PRP4K: variants seen among roughly 807,000 people sequenced by gnomAD.
PRP4K encodes the protein pre-mRNA processing factor kinase PRP4K, also known as serine/threonine-protein kinase PRP4 homolog.
At chr6:4,039,920 A>C in the PRP4K span, among the ~76,000 whole-genome samples, 1 of 127,476 alleles carries the variant, frequency 7.8e-6, no homozygotes, top group Non-Finnish European at 1.6e-5. Flanking sequence ...TTCTTTCTTG[A>C]GGTAGGATCT....
the PRP4K span, among the ~76,000 whole-genome samples, chr6:4,047,482 A>C: frequency 6.6e-6 from 1 of 152,226 alleles, no homozygotes; most frequent in South Asian, 2.1e-4. Flanking sequence ...TCAAACACCA[A>C]ATGATAAACA....
At chr6:4,049,943 A>T in the PRP4K span, 1 of 1,524,234 alleles carries the variant, frequency 6.6e-7, no homozygotes, top group East Asian at 2.3e-5. Context: ...ACATATTTTT[A>T]AACTATTTTT....
At chr6:4,037,259 G>C in the PRP4K span, 1 of 782,908 alleles carries the variant, frequency 1.3e-6, no homozygotes, top group Non-Finnish European at 1.9e-6. Context: ...ACCTGAGTAA[G>C]TTTTGTTACA....
the PRP4K span, among the ~76,000 whole-genome samples, chr6:4,022,154 A>ATTTTTTTTTTTTTTT: frequency 1.1e-5 from 1 of 92,054 alleles, no homozygotes; most frequent in Non-Finnish European, 2.0e-5. Context: ...GAGGCCTGGC[A>ATTTTTTTTTTTTTTT]TTTTTTTTTT....
the PRP4K span, chr6:4,048,881 TAGTA>T: frequency 7.3e-6 from 4 of 550,486 alleles, no homozygotes; most frequent in East Asian, 6.3e-5. Context: ...ACATAAGTGA[TAGTA>T]AGAATTTATT....
chr6:4,023,572 T>TA, the PRP4K span, among the ~76,000 whole-genome samples: 1 of 152,232 alleles, frequency 6.6e-6, no homozygotes, highest in Non-Finnish European at 1.5e-5. Flanking sequence ...CCCAGAAAGA[T>TA]ACATTTTTTG....
the PRP4K span, chr6:4,031,714 A>T: frequency 6.2e-6 from 10 of 1,601,876 alleles, no homozygotes; most frequent in African/African-American, 1.3e-4. Flanking sequence ...GAAGACAAGG[A>T]TAAAAAACAT....
the PRP4K span, among the ~76,000 whole-genome samples, chr6:4,027,645 G>A: frequency 6.8e-6 from 1 of 146,044 alleles, no homozygotes; most frequent in African/African-American, 2.5e-5. Flanking sequence ...ACTGTCATAA[G>A]CATTTAACAT....
the PRP4K span, among the ~76,000 whole-genome samples, chr6:4,035,298 T>G: frequency 1.5e-5 from 2 of 132,828 alleles, no homozygotes; most frequent in Non-Finnish European, 1.6e-5. Context: ...TTTTTTTTTT[T>G]TTTTTTTTTT....
At chr6:4,035,411 T>G in the PRP4K span, among the ~76,000 whole-genome samples, 2 of 149,184 alleles carry the variant, frequency 1.3e-5, no homozygotes, top group African/African-American at 2.5e-5. Context: ...CCTCCCAAAG[T>G]GTTGGGATTA....
the PRP4K span, chr6:4,058,828 A>G: frequency 1.1e-4 from 166 of 1,559,908 alleles, no homozygotes; most frequent in Non-Finnish European, 1.4e-4. Context: ...AGTGTTTTAA[A>G]TGCAGCATGC....
the PRP4K span, chr6:4,056,182 A>G: frequency 1.6e-6 from 1 of 613,826 alleles, no homozygotes. Context: ...ATTAAAAATA[A>G]ATAGAAAAGG....
chr6:4,029,139 C>A, the PRP4K span, among the ~76,000 whole-genome samples: 84 of 151,558 alleles, frequency 5.5e-4, no homozygotes, highest in African/African-American at 1.9e-3. Context: ...CCACCTCAGC[C>A]TCCTGAGTAG....
the PRP4K span, among the ~76,000 whole-genome samples, chr6:4,034,525 A>G: frequency 6.6e-6 from 1 of 152,106 alleles, no homozygotes; most frequent in Non-Finnish European, 1.5e-5. Flanking sequence ...TTCTATGACT[A>G]TGTGAACTGC....
chr6:4,057,492 G>C, the PRP4K span, among the ~76,000 whole-genome samples: 4 of 152,166 alleles, frequency 2.6e-5, no homozygotes, highest in East Asian at 7.7e-4. Flanking sequence ...GATGTAAGTT[G>C]AATTAGGTAA....
the PRP4K span, among the ~76,000 whole-genome samples, chr6:4,027,850 T>C: frequency 6.6e-6 from 1 of 152,186 alleles, no homozygotes; most frequent in African/African-American, 2.4e-5. Flanking sequence ...AGGACAGTCT[T>C]GAGTTAAAAC....
the PRP4K span, chr6:4,043,750 C>T: frequency 6.8e-7 from 1 of 1,473,826 alleles, no homozygotes; most frequent in South Asian, 1.2e-5. Context: ...AACTCTTAGC[C>T]ATGAATGTAT....
the PRP4K span, chr6:4,032,606 A>T: frequency 2.3e-5 from 37 of 1,614,092 alleles, no homozygotes; most frequent in African/African-American, 4.4e-4. Context: ...GTGATAAATC[A>T]AGAAGAAGCA....
chr6:4,056,419 T>C, the PRP4K span: 21 of 1,613,812 alleles, frequency 1.3e-5, no homozygotes, highest in Non-Finnish European at 5.9e-6. Flanking sequence ...GTAGATTTTA[T>C]CGTGCTCCTG....
Sources: allele counts gnomAD v4.1 joint callset (sites outside exome capture counted in the v4.1 genomes callset), GRCh38; gene constraint gnomAD v4.1.1; transcripts MANE v1.5; gene names NCBI Gene and HGNC (gene_info 2026-07-23, HGNC 2026-07-21).